CIB1: variants seen among roughly 807,000 people sequenced by gnomAD.
CIB1 encodes calcium and integrin-binding protein 1.
CIB1 carries 19 observed loss-of-function variants against 25.0 expected under a neutral mutation model. The ratio of observed to expected loss-of-function variants is 0.76; its 90% CI spans 0.53 to 1.12. The LOEUF is 1.12. Ranked by LOEUF, CIB1 falls within the 50% of genes most tolerant of loss-of-function variation. CIB1 has a pLI of 0.00. For synonymous variants in CIB1, 104 were observed against 98.5 expected (o/e 1.06, Z -0.33); for missense variants, 236 against 242.6 (o/e 0.97, Z 0.18).
the CIB1 span, among the ~76,000 whole-genome samples, chr15:90,254,234 C>T: frequency 6.7e-6 from 1 of 148,784 alleles, no homozygotes. Context: ...GTGGCTCACG[C>T]CTGTAATCCC....
upstream of CIB1, among the ~76,000 whole-genome samples, chr15:90,234,829 T>C (rs1237405991): frequency 1.3e-5 from 2 of 152,186 alleles, no homozygotes; most frequent in African/African-American, 4.8e-5. Context: ...GTTTGGCACA[T>C]AGTAGGCTCT....
At chr15:90,237,124 A>G (rs1017568529), upstream of CIB1, among the ~76,000 whole-genome samples, 5 of 150,322 alleles carry the variant, frequency 3.3e-5, no homozygotes, top group African/African-American at 7.4e-5. Context: ...ACACCTGGCT[A>G]ATTTTTTTGT....
the CIB1 span, among the ~76,000 whole-genome samples, chr15:90,249,253 A>G: frequency 4.1e-3 from 613 of 148,412 alleles, 1 homozygote; most frequent in Non-Finnish European, 6.9e-3. Context: ...AATTGAGGAG[A>G]GGCAAACAGC....
the CIB1 span, chr15:90,249,856 GCCTGTC>G: frequency 6.6e-6 from 1 of 152,272 alleles, no homozygotes; most frequent in African/African-American, 2.4e-5. Context: ...GCCATCGGGT[GCCTGTC>G]CCTAGTGTGT....
At chr15:90,261,401 G>A in the CIB1 span, among the ~76,000 whole-genome samples, 1 of 147,634 alleles carries the variant, frequency 6.8e-6, no homozygotes, top group African/African-American at 2.5e-5. Flanking sequence ...TTTTTCAAAT[G>A]GAAAGCTAAT....
chr15:90,245,482 A>AAAAG, the CIB1 span: 9 of 151,904 alleles, frequency 5.9e-5, no homozygotes, highest in African/African-American at 1.5e-4. Flanking sequence ...CAAAAAAAAA[A>AAAAG]AAAAAGAAAA....
the CIB1 span, chr15:90,242,306 A>G: frequency 3.6e-5 from 8 of 219,372 alleles, no homozygotes; most frequent in Admixed American, 4.3e-4. Context: ...GTATTTTTTT[A>G]TATAGACAGC....
the CIB1 span, chr15:90,263,630 G>A: frequency 1.7e-5 from 10 of 598,390 alleles, no homozygotes; most frequent in East Asian, 2.2e-4. Flanking sequence ...GGAGTATCTG[G>A]TTAAATAGTG....
chr15:90,265,654 T>C, the CIB1 span: 2 of 1,600,078 alleles, frequency 1.2e-6, no homozygotes, highest in African/African-American at 1.3e-5. Flanking sequence ...CTTCCGGTCT[T>C]ACCCGGCTAC....
the CIB1 span, among the ~76,000 whole-genome samples, chr15:90,246,227 C>T: frequency 2.0e-5 from 3 of 151,540 alleles, no homozygotes; most frequent in Non-Finnish European, 2.9e-5. Flanking sequence ...GAGCCAAGAT[C>T]GTGCCATTGC....
chr15:90,231,478 CCTGCAGATT>C lies in CIB1; in HGVS notation c.216_224del (p.Ile73_Arg75del). On this transcript the variant is annotated inframe_deletion, in exon 4 of 7. Transcript: ENST00000328649. ...CTTTGGCTGGGGATGTGGAGAAGAC[CCTGCAGATT>C]CGCTCCTTGAAGGGGTTGGCCTAGG... The C allele has an allele frequency of 5.0e-6, 8 of 1,614,084 alleles. No individual in the cohort carries two copies. Among genetic ancestry groups the C allele is most frequent in the Non-Finnish European group, 6.8e-6 (8 of 1,179,988 alleles).
chr15:90,240,824 AT>A, the CIB1 span: 14,099 of 873,854 alleles, frequency 0.016, 46 homozygotes, highest in South Asian at 0.037. Context: ...AAAAAAAAAA[AT>A]AAATAAATAA....
At chr15:90,257,194 C>T in the CIB1 span, 1 of 1,613,980 alleles carries the variant, frequency 6.2e-7, no homozygotes, top group African/African-American at 1.3e-5. Context: ...TGATCACATC[C>T]TGTGACCCTC....
chr15:90,251,580 G>A, the CIB1 span: 1 of 1,613,950 alleles, frequency 6.2e-7, no homozygotes, highest in Non-Finnish European at 8.5e-7. Flanking sequence ...CTGACCAACT[G>A]CAAGTATGAG....
the CIB1 span, chr15:90,243,374 G>C: frequency 7.0e-6 from 1 of 142,350 alleles, no homozygotes; most frequent in Non-Finnish European, 1.5e-5. Context: ...GTCTTTTTTT[G>C]TTTTGTTTTT....
chr15:90,246,736 C>T, the CIB1 span, among the ~76,000 whole-genome samples: 2 of 123,390 alleles, frequency 1.6e-5, no homozygotes, highest in South Asian at 2.8e-4. Flanking sequence ...TGCAGTGACC[C>T]GAGATTGAGC....
the CIB1 span, chr15:90,257,485 T>A: frequency 4.2e-6 from 4 of 954,380 alleles, no homozygotes; most frequent in East Asian, 1.0e-4. Context: ...CACACACTCT[T>A]CCCCAGGATC....
chr15:90,262,092 A>G, the CIB1 span: 1 of 1,536,090 alleles, frequency 6.5e-7, no homozygotes, highest in Non-Finnish European at 8.7e-7. Flanking sequence ...CGGCGGATCT[A>G]CCCTGGGCCT....
the CIB1 span, chr15:90,245,519 T>C: frequency 6.7e-6 from 1 of 149,490 alleles, no homozygotes. Flanking sequence ...TATCAGAAAA[T>C]GTTGACCACC....
Sources: allele counts gnomAD v4.1 joint callset (sites outside exome capture counted in the v4.1 genomes callset), GRCh38; gene constraint gnomAD v4.1.1; transcripts MANE v1.5; gene names NCBI Gene and HGNC (gene_info 2026-07-23, HGNC 2026-07-21).